Variants in IFT81 observed in about 807,000 individuals in gnomAD.
IFT81 encodes the protein intraflagellar transport protein 81 homolog.
In IFT81, 72 loss-of-function variants were observed where a neutral mutation model predicts 102.6. The ratio of observed to expected loss-of-function variants is 0.70; its 90% confidence interval spans 0.58 to 0.85. The LOEUF is 0.85. Ranked by LOEUF, IFT81 falls within the 40% of genes least tolerant of loss-of-function variation. IFT81 has a pLI of 0.00. For missense variants in IFT81, 723 were observed against 787.3 expected (o/e 0.92, Z 0.98); for synonymous variants, 237 against 242.7 (o/e 0.98, Z 0.22).
intron 11 of IFT81, among the ~76,000 whole-genome samples, chr12:110,174,757 T>C (rs1464943868): frequency 6.6e-6 from 1 of 152,200 alleles, no homozygotes. Context: ...TTCTGATCAT[T>C]ACTCTTAAAG....
intron 10 of IFT81, among the ~76,000 whole-genome samples, chr12:110,158,834 C>T (rs990429411): frequency 2.6e-5 from 4 of 151,652 alleles, no homozygotes; most frequent in Admixed American, 6.6e-5. Context: ...GTGATCCACC[C>T]GCCTCAGCCT....
intron 12 of IFT81, among the ~76,000 whole-genome samples, chr12:110,190,060 A>G (rs1301723355): frequency 6.6e-6 from 1 of 152,186 alleles, no homozygotes; most frequent in Admixed American, 6.6e-5. Context: ...TGTTAAAGTG[A>G]TCATTTTAAA....
intron 12 of IFT81, among the ~76,000 whole-genome samples, chr12:110,190,662 T>C (rs777903368): frequency 6.6e-6 from 1 of 152,204 alleles, no homozygotes; most frequent in Non-Finnish European, 1.5e-5. Context: ...TTTTAGGTTC[T>C]GTGCTGAGTA....
At chr12:110,138,509 C>T (rs1262998527) in intron 8 of IFT81, among the ~76,000 whole-genome samples, 10 of 151,802 alleles carry the variant, frequency 6.6e-5, no homozygotes, top group East Asian at 3.9e-4. Context: ...CTTAGCTCAC[C>T]GCAGCCTCCG....
chr12:110,201,417 A>G (rs1372630977), intron 14 of IFT81, among the ~76,000 whole-genome samples: 6 of 149,912 alleles, frequency 4.0e-5, no homozygotes, highest in African/African-American at 1.5e-4. Context: ...AAAAAAAAAA[A>G]GGTGAAAAAT....
chr12:110,191,168 CTT>C (rs878915407), intron 13 of IFT81, 120 bp downstream of exon 13: 3,432 of 613,316 alleles, frequency 5.6e-3, no homozygotes, highest in Middle Eastern at 8.3e-3. Context: ...ATTCTTTCAT[CTT>C]TTTTTTTTTT....
intron 18 of IFT81, among the ~76,000 whole-genome samples, chr12:110,211,592 A>G (rs967260460): frequency 9.2e-5 from 14 of 152,104 alleles, no homozygotes; most frequent in Non-Finnish European, 1.8e-4. Context: ...TCCTCCGACT[A>G]TAGCAATAGA....
At position 110,132,289 on chromosome 12, in the gene IFT81, G is replaced by C. The variant is rs1252528823; in HGVS notation, c.430-258G>C. 3.3e-5 allele frequency among the ~76,000 whole-genome samples: 5 copies of C among 151,790 alleles called. No homozygotes were observed. The South Asian group carries it at 1.0e-3, about 31-fold the overall frequency. On this transcript the variant is annotated intron_variant, in intron 4 of 18. Coordinates refer to ENST00000242591, the MANE Select transcript of IFT81 (RefSeq NM_014055.4). ...ACCAGCCTGAACATGGTGAAACCCC[G>C]TCTCTACTAAAAATACAAAAATTAG...
intron 8 of IFT81, among the ~76,000 whole-genome samples, chr12:110,138,620 A>G (rs1180038739): frequency 6.6e-6 from 1 of 152,116 alleles, no homozygotes; most frequent in Admixed American, 6.6e-5. Flanking sequence ...TTTAGTAGAG[A>G]CGGGGTTTCT....
intron 11 of IFT81, among the ~76,000 whole-genome samples, chr12:110,166,460 T>C (rs929572980): frequency 6.6e-6 from 1 of 152,086 alleles, no homozygotes; most frequent in Non-Finnish European, 1.5e-5. Context: ...GTAATGGTTA[T>C]ACAACAGCAA....
At chr12:110,147,657 T>C (rs1048802100) in intron 10 of IFT81, among the ~76,000 whole-genome samples, 1 of 152,160 alleles carries the variant, frequency 6.6e-6, no homozygotes, top group African/African-American at 2.4e-5. Flanking sequence ...TTAAGGACAT[T>C]AGAATTTTTT....
At chr12:110,185,083 G>C (rs1897464756) in intron 12 of IFT81, among the ~76,000 whole-genome samples, 1 of 152,212 alleles carries the variant, frequency 6.6e-6, no homozygotes, top group Non-Finnish European at 1.5e-5. Flanking sequence ...ACCTGCCACA[G>C]TAATAGAGTC....
At chr12:110,188,960 C>T (rs998099112) in intron 12 of IFT81, among the ~76,000 whole-genome samples, 1 of 151,866 alleles carries the variant, frequency 6.6e-6, no homozygotes, top group Non-Finnish European at 1.5e-5. Context: ...GTCAGGTCAC[C>T]AGTACCTTCA....
At chr12:110,141,742 G>C (rs981807340) in intron 8 of IFT81, among the ~76,000 whole-genome samples, 1 of 152,086 alleles carries the variant, frequency 6.6e-6, no homozygotes, top group African/African-American at 2.4e-5. Flanking sequence ...AATTAGCCGA[G>C]CTGGTAGTGT....
At chr12:110,171,104 G>A (rs1254032186) in intron 11 of IFT81, among the ~76,000 whole-genome samples, 1 of 152,152 alleles carries the variant, frequency 6.6e-6, no homozygotes, top group Middle Eastern at 3.2e-3. Flanking sequence ...ACTCTTTAGA[G>A]TTCATAGCAG....
intron 11 of IFT81, among the ~76,000 whole-genome samples, chr12:110,167,235 C>A (rs952596551): frequency 1.3e-5 from 2 of 152,080 alleles, no homozygotes; most frequent in African/African-American, 2.4e-5. Flanking sequence ...TACTTCCCCC[C>A]CATTGTACTT....
chr12:110,136,919 C>A, intron 8 of IFT81, 59 bp downstream of exon 8: 1 of 1,061,210 alleles, frequency 9.4e-7, no homozygotes, highest in South Asian at 1.5e-5. Flanking sequence ...AAATCACGAT[C>A]TTCCTAAAAA....
intron 14 of IFT81, among the ~76,000 whole-genome samples, chr12:110,200,988 T>C (rs1898237092): frequency 1.3e-5 from 2 of 152,108 alleles, no homozygotes; most frequent in South Asian, 4.2e-4. Context: ...TTTATAAACT[T>C]CTAATTAAAA....
intron 14 of IFT81, among the ~76,000 whole-genome samples, chr12:110,193,656 C>T (rs1411264596): frequency 6.6e-6 from 1 of 152,162 alleles, no homozygotes; most frequent in Non-Finnish European, 1.5e-5. Context: ...TACAAAAATA[C>T]ATTATGACAC....
Sources: allele counts gnomAD v4.1 joint callset (sites outside exome capture counted in the v4.1 genomes callset), GRCh38; gene constraint gnomAD v4.1.1; transcripts MANE v1.5; gene names NCBI Gene and HGNC (gene_info 2026-07-23, HGNC 2026-07-21).